Variants in CNTN4 observed in about 807,000 individuals in gnomAD.
CNTN4 encodes contactin-4.
A neutral mutation model predicts 122.5 loss-of-function variants in CNTN4; 77 were observed. The observed-to-expected ratio is 0.63, with a 90% CI of 0.52 to 0.76. The LOEUF (loss-of-function observed/expected upper bound fraction) is 0.76, where lower values mean the gene tolerates loss of function less well. CNTN4 is among the 30% of genes least tolerant of loss of function. The probability of loss-of-function intolerance (pLI) is 0.00; values close to 1 mark genes in which losing one functional copy is unlikely to be tolerated. For synonymous variants in CNTN4, 512 were observed against 447.0 expected, an observed-to-expected ratio of 1.15 and a Z score of -1.83; for missense variants, 1,256 against 1,259.1, an observed-to-expected ratio of 1.00 and a Z score of 0.04.
rs558911721 is a variant in CNTN4 at position 2,164,739 on chromosome 3, T to TA, written c.-145+64105dup. On this transcript the variant is annotated intron_variant, in intron 2 of 24. Transcript: ENST00000418658. ...GCAACATTCCTTTCAGAACTGTGAG[T>TA]AAAAAGGGTTGCAATCATAGTATTC... is the stretch of plus-strand genomic sequence containing the variant. 8.8e-4 allele frequency among the ~76,000 whole-genome samples: 134 copies of TA among 151,768 alleles called. 1 individual carries two copies. The highest frequency in any genetic ancestry group is 2.5e-3 in the African/African-American group (102 of 41,394).
intron 3 of CNTN4, among the ~76,000 whole-genome samples, chr3:2,532,179 G>T (rs189340083): frequency 6.6e-6 from 1 of 152,270 alleles, no homozygotes; most frequent in East Asian, 1.9e-4. Flanking sequence ...CAAGTTCAAA[G>T]ATGTAAAATA....
intron 7 of CNTN4, among the ~76,000 whole-genome samples, chr3:2,838,922 GAA>G (rs1231020871): frequency 1.3e-5 from 2 of 152,202 alleles, no homozygotes; most frequent in African/African-American, 2.4e-5. Context: ...GACAGCCAGA[GAA>G]AAGACATCTG....
At chr3:2,712,400 T>C (rs1032476026) in intron 4 of CNTN4, among the ~76,000 whole-genome samples, 3 of 152,188 alleles carry the variant, frequency 2.0e-5, no homozygotes, top group Admixed American at 2.0e-4. Flanking sequence ...TTCTATTAGC[T>C]AGTATAGAGG....
Position 2,727,231 on chromosome 3 carries a change from G to A in CNTN4, c.56-8984G>A, listed in dbSNP as rs137981358. Among the ~76,000 whole-genome samples, 236 of 152,256 alleles carry A rather than the reference G, an allele frequency of 1.6e-3. 1 individual carries two copies. The highest frequency in any genetic ancestry group is 5.5e-3 in the African/African-American group (229 of 41,554). ...AAGAGAAATATAGCCCACAAAACATGCCCAGTGTTACATAATAGCATCCCC... is the reference window on the plus strand; with the variant it reads ...AAGAGAAATATAGCCCACAAAACATACCCAGTGTTACATAATAGCATCCCC... On this transcript the variant is annotated intron_variant, in intron 4 of 24. Coordinates refer to ENST00000418658, the MANE Select transcript of CNTN4 (RefSeq NM_175607.3).
chr3:2,330,986 T>C (rs1030533597), intron 2 of CNTN4, among the ~76,000 whole-genome samples: 5 of 152,194 alleles, frequency 3.3e-5, no homozygotes, highest in South Asian at 2.1e-4. Context: ...ATGTCAAAAA[T>C]TGGCATAATA....
At chr3:2,328,920 A>G (rs979723908) in intron 2 of CNTN4, among the ~76,000 whole-genome samples, 7 of 152,156 alleles carry the variant, frequency 4.6e-5, no homozygotes, top group Non-Finnish European at 1.0e-4. Flanking sequence ...TGGGCATACC[A>G]TATTTCTTAA....
chr3:2,475,377 A>G lies in CNTN4; in HGVS notation c.-88-96039A>G, dbSNP rs553016875. Among the ~76,000 whole-genome samples, 18 of 152,318 alleles carry G rather than the reference A, an allele frequency of 1.2e-4. No individual in the cohort carries two copies. The South Asian group carries it at 2.1e-3, about 18-fold the overall frequency. On this transcript the variant is annotated intron_variant, in intron 3 of 24. Transcript: ENST00000418658. ...CTGAGTTCTTAGGTGTTCTTACTCA[A>G]GAGGGTAAGGATATGACATTAGTGT...
At chr3:2,576,215 C>T (rs565078539) in intron 4 of CNTN4, among the ~76,000 whole-genome samples, 2 of 152,266 alleles carry the variant, frequency 1.3e-5, no homozygotes, top group South Asian at 4.1e-4. Flanking sequence ...CCTTTTAGTT[C>T]ACTGCTGTAT....
chr3:3,037,639 A>T (rs575141110), intron 18 of CNTN4: 18 of 393,422 alleles, frequency 4.6e-5, no homozygotes, highest in Middle Eastern at 1.5e-3. Flanking sequence ...ATTTCAAAAA[A>T]AAATCCCACA....
At chr3:2,960,635 T>A (rs2094843064) in intron 13 of CNTN4, among the ~76,000 whole-genome samples, 1 of 152,170 alleles carries the variant, frequency 6.6e-6, no homozygotes, top group Non-Finnish European at 1.5e-5. Context: ...TAAATAAAGT[T>A]CATTATATGA....
chr3:2,547,866 A>G lies in CNTN4; in HGVS notation c.-88-23550A>G, dbSNP rs571301905. ...TCCAAAATCCACAGATCCCCAGGAA[A>G]TTATTTCTTGTTTTCACAGAGACAT... is the stretch of plus-strand genomic sequence containing the variant. On this transcript the variant is annotated intron_variant, in intron 3 of 24. Coordinates refer to ENST00000418658, the MANE Select transcript of CNTN4 (RefSeq NM_175607.3). Among the ~76,000 whole-genome samples, 49 of 152,242 alleles carry G rather than the reference A, an allele frequency of 3.2e-4. 2 individuals are homozygous for G. In the Middle Eastern group the frequency reaches 0.01, roughly 32 times the overall value.
At chr3:2,594,107 A>G (rs937972451) in intron 4 of CNTN4, among the ~76,000 whole-genome samples, 2 of 152,190 alleles carry the variant, frequency 1.3e-5, no homozygotes, top group African/African-American at 4.8e-5. Flanking sequence ...TTTTACAAGC[A>G]GGAGATTATT....
At chr3:2,104,253 T>TGTGC (rs60431286) in intron 2 of CNTN4, among the ~76,000 whole-genome samples, 5 of 150,672 alleles carry the variant, frequency 3.3e-5, no homozygotes, top group Non-Finnish European at 5.9e-5. Context: ...TGTGTGTGTG[T>TGTGC]GTGCGTTTCA....
intron 2 of CNTN4, among the ~76,000 whole-genome samples, chr3:2,317,026 TC>T (rs2043126870): frequency 1.3e-5 from 2 of 152,306 alleles, no homozygotes; most frequent in African/African-American, 4.8e-5. Flanking sequence ...CTATCACCAT[TC>T]TAGTGGCCCC....
chr3:2,642,612 ATGTATACATTCTTGTGTATAT>A (rs2082944534), intron 4 of CNTN4, among the ~76,000 whole-genome samples: 1 of 152,148 alleles, frequency 6.6e-6, no homozygotes, highest in African/African-American at 2.4e-5. Context: ...AAACAGGTAT[ATGTATACATTCTTGTGTATAT>A]TGGTATTATA....
At chr3:2,664,632 A>G (rs1004280492) in intron 4 of CNTN4, among the ~76,000 whole-genome samples, 2 of 152,194 alleles carry the variant, frequency 1.3e-5, no homozygotes, top group African/African-American at 2.4e-5. Flanking sequence ...GCCCAGCCAC[A>G]TCTTATCAGA....
chr3:2,746,161 T>G (rs1367937218), intron 6 of CNTN4, among the ~76,000 whole-genome samples: 1 of 33,984 alleles, frequency 2.9e-5, no homozygotes, highest in Non-Finnish European at 8.9e-5. Context: ...AGTAATTTAG[T>G]AGAGTCAATA....
At chr3:2,894,129 G>C (rs1055091414) in intron 10 of CNTN4, among the ~76,000 whole-genome samples, 1 of 152,036 alleles carries the variant, frequency 6.6e-6, no homozygotes, top group African/African-American at 2.4e-5. Flanking sequence ...GCAAATCTCT[G>C]TAATGTCTGT....
intron 2 of CNTN4, among the ~76,000 whole-genome samples, chr3:2,272,250 A>G (rs2149824195): frequency 6.6e-6 from 1 of 152,280 alleles, no homozygotes; most frequent in African/African-American, 2.4e-5. Context: ...AGATGATTAA[A>G]ATCATCCACA....
Sources: allele counts gnomAD v4.1 joint callset (sites outside exome capture counted in the v4.1 genomes callset), GRCh38; gene constraint gnomAD v4.1.1; transcripts MANE v1.5; gene names NCBI Gene and HGNC (gene_info 2026-07-23, HGNC 2026-07-21).